Variants in PTPRN2 observed in about 807,000 individuals in gnomAD.
PTPRN2 encodes protein tyrosine phosphatase receptor type N2.
PTPRN2 carries 74 observed loss-of-function variants against 118.8 expected under a neutral mutation model. The ratio of observed to expected loss-of-function variants is 0.62; its 90% CI spans 0.52 to 0.76. The LOEUF (loss-of-function observed/expected upper bound fraction) is 0.76. Among genes scored for constraint, PTPRN2 ranks in the 30% least tolerant of loss-of-function variants. The pLI, the probability that PTPRN2 is intolerant of heterozygous loss-of-function variation, is 0.00. For missense variants in PTPRN2, 1,481 were observed against 1,394.4 expected (o/e 1.06, Z -0.99); for synonymous variants, 641 against 608.0 (o/e 1.05, Z -0.80).
intron 2 of PTPRN2, among the ~76,000 whole-genome samples, chr7:158,386,252 C>T (rs1811352643): frequency 7.0e-6 from 1 of 141,976 alleles, no homozygotes; most frequent in African/African-American, 2.7e-5. Flanking sequence ...CTCCTCCCTC[C>T]TCCCATGCCC....
chr7:158,333,449 G>A (rs1231420775), intron 2 of PTPRN2, among the ~76,000 whole-genome samples: 7 of 140,196 alleles, frequency 5.0e-5, no homozygotes, highest in East Asian at 4.1e-4. Context: ...ACCTGCAGAC[G>A]TCTCTCACAC....
At chr7:158,262,616 CACACAT>C (rs1797530700) in intron 3 of PTPRN2, among the ~76,000 whole-genome samples, 1 of 148,684 alleles carries the variant, frequency 6.7e-6, no homozygotes, top group Non-Finnish European at 1.5e-5. Flanking sequence ...ACACTGCACA[CACACAT>C]ACATTCACAC....
chr7:157,962,628 T>C (rs1216860840), intron 11 of PTPRN2, among the ~76,000 whole-genome samples: 2 of 152,228 alleles, frequency 1.3e-5, no homozygotes, highest in African/African-American at 4.8e-5. Context: ...AGGTGCAGCC[T>C]GCACATGGCA....
intron 12 of PTPRN2, among the ~76,000 whole-genome samples, chr7:157,797,851 A>G (rs1804968428): frequency 6.6e-6 from 1 of 152,178 alleles, no homozygotes; most frequent in African/African-American, 2.4e-5. Context: ...TTCTGAGCCC[A>G]TTCCTGAGAC....
At chr7:158,081,226 G>T in intron 11 of PTPRN2, 72 bp downstream of exon 11, 1 of 1,395,904 alleles carries the variant, frequency 7.2e-7, no homozygotes, top group Non-Finnish European at 1.0e-6. Context: ...GGCTGTGCAT[G>T]TGCGTGTTTG....
At chr7:158,239,047 G>C (rs1001963407) in intron 3 of PTPRN2, among the ~76,000 whole-genome samples, 3 of 152,176 alleles carry the variant, frequency 2.0e-5, no homozygotes, top group African/African-American at 7.2e-5. Context: ...CAGGCAGGCA[G>C]CTGCCACCCG....
intron 13 of PTPRN2, among the ~76,000 whole-genome samples, chr7:157,681,468 C>T (rs1412452939): frequency 6.6e-6 from 1 of 152,194 alleles, no homozygotes; most frequent in East Asian, 1.9e-4. Flanking sequence ...TTTGAAGTTG[C>T]CATTTCTTTG....
At chr7:158,374,109 T>G (rs1281404261) in intron 2 of PTPRN2, among the ~76,000 whole-genome samples, 2 of 152,188 alleles carry the variant, frequency 1.3e-5, no homozygotes, top group African/African-American at 4.8e-5. Context: ...CAGTGGCCCT[T>G]CTGACCCTTG....
chr7:157,699,745 T>G (rs775009242), intron 12 of PTPRN2, among the ~76,000 whole-genome samples: 4 of 152,192 alleles, frequency 2.6e-5, no homozygotes, highest in Non-Finnish European at 4.4e-5. Flanking sequence ...CTTTTCATTC[T>G]GACACAGTGC....
At chr7:157,695,515 G>C (rs561098525) in intron 12 of PTPRN2, among the ~76,000 whole-genome samples, 1 of 151,992 alleles carries the variant, frequency 6.6e-6, no homozygotes, top group Non-Finnish European at 1.5e-5. Context: ...TGTGTATAAG[G>C]CATTTCTTCA....
chr7:158,548,124 A>G (rs1826419885), intron 1 of PTPRN2, among the ~76,000 whole-genome samples: 1 of 151,942 alleles, frequency 6.6e-6, no homozygotes, highest in South Asian at 2.1e-4. Context: ...GGCGACATCC[A>G]CTCTGCATTG....
rs532653080 is a variant in PTPRN2, at chr7:158,506,006, C to T, written c.113-16221G>A. ...ACCGCGCGTCCTCACATGTGATGGC[C>T]GAGGGGCCACCTCAGGGCTGCAGAG... On this transcript the variant is annotated intron_variant, in intron 1 of 22. Transcript: ENST00000389418. Among the ~76,000 whole-genome samples the T allele has an allele frequency of 4.6e-5, 7 of 152,276 alleles. No homozygotes were observed. In the South Asian group the frequency reaches 1.5e-3, roughly 32 times the overall value.
chr7:157,933,267 A>G (rs1799494403), intron 11 of PTPRN2, among the ~76,000 whole-genome samples: 1 of 143,376 alleles, frequency 7.0e-6, no homozygotes, highest in Admixed American at 6.7e-5. Context: ...ACTCATTGAC[A>G]GTTTTAGAGG....
At chr7:158,584,428 T>C (rs1011597339) in intron 1 of PTPRN2, among the ~76,000 whole-genome samples, 3 of 152,144 alleles carry the variant, frequency 2.0e-5, no homozygotes, top group Admixed American at 6.6e-5. Flanking sequence ...ACTCAAAGAC[T>C]GAAGCATATG....
At chr7:157,569,837 A>G (rs1011970993) in intron 20 of PTPRN2, among the ~76,000 whole-genome samples, 10 of 152,222 alleles carry the variant, frequency 6.6e-5, no homozygotes, top group African/African-American at 2.4e-4. Flanking sequence ...GACCTTTTAC[A>G]TTTATAATCC....
At chr7:157,553,352 G>A (rs1174615448) in intron 21 of PTPRN2, among the ~76,000 whole-genome samples, 5 of 152,304 alleles carry the variant, frequency 3.3e-5, no homozygotes, top group Admixed American at 6.5e-5. Context: ...CCGCCCTCCC[G>A]AATTCTGGCC....
intron 2 of PTPRN2, among the ~76,000 whole-genome samples, chr7:158,479,621 C>T (rs1180307950): frequency 6.6e-6 from 1 of 152,198 alleles, no homozygotes; most frequent in Non-Finnish European, 1.5e-5. Context: ...CGGAAAAGCA[C>T]AATGGGTTTG....
chr7:158,340,633 C>G (rs1363834143), intron 2 of PTPRN2, among the ~76,000 whole-genome samples: 1 of 109,700 alleles, frequency 9.1e-6, no homozygotes, highest in Non-Finnish European at 2.0e-5. Context: ...CACTCACACT[C>G]TAGCCATAAG....
At chr7:157,677,031 C>T (rs1796702511) in intron 13 of PTPRN2, among the ~76,000 whole-genome samples, 1 of 152,022 alleles carries the variant, frequency 6.6e-6, no homozygotes, top group African/African-American at 2.4e-5. Context: ...TCCCGGGGCC[C>T]AGCCCTCTTC....
Sources: gnomAD v4.1 joint callset for allele counts (sites outside exome capture counted in the v4.1 genomes callset) on GRCh38, gnomAD v4.1.1 for gene constraint, MANE v1.5 for transcripts, NCBI Gene and HGNC (gene_info 2026-07-23, HGNC 2026-07-21) for gene names.